GAS7: variants seen among roughly 807,000 people sequenced by gnomAD.
GAS7 encodes growth arrest specific 7.
Under a neutral mutation model 71.1 loss-of-function variants are expected in GAS7, and 28 were observed. The observed-to-expected ratio is 0.39, with a 90% CI of 0.29 to 0.54. The LOEUF (loss-of-function observed/expected upper bound fraction) is 0.54. Among genes scored for constraint, GAS7 ranks in the 20% least tolerant of loss-of-function variants. GAS7 has a pLI of 0.62. For synonymous variants in GAS7, 258 were observed against 245.8 expected (o/e 1.05, Z -0.46); for missense variants, 436 against 627.8 (o/e 0.69, Z 3.27).
At chr17:9,947,111 G>A (rs532083364) in intron 5 of GAS7, 128 bp from the exon 6 acceptor site, 16 of 595,616 alleles carry the variant, frequency 2.7e-5, no homozygotes, top group African/African-American at 1.5e-4. Flanking sequence ...GGATCTTCCC[G>A]TGCTCCAGGG....
Position 9,926,914 on chromosome 17 carries a change from C to T in GAS7, c.886-145G>A. 1.3e-6 allele frequency: 1 copy of T among 763,544 alleles called. No homozygotes were observed. Among genetic ancestry groups the T allele is most frequent in the Non-Finnish European group, 2.2e-6 (1 of 452,050 alleles). The allele number at this position is 763,544 out of a possible 1,614,324, so 47.3% of individuals were successfully genotyped here. A position where few individuals can be genotyped will look rare whatever the true frequency, so the allele number is the denominator to read the frequency against. On this transcript the variant is annotated intron_variant, in intron 9 of 13. Coordinates refer to ENST00000432992, the MANE Select transcript of GAS7 (RefSeq NM_201433.2). This position sits in a 1 kb window ranked among gnomAD's most constrained non-coding sequence, Gnocchi z 5.0. ...AGCGACCTGGCAGGAAGGTGAGAGA[C>T]ACCCCCTGACACGTGGCTGCCTATC...
chr17:10,030,331 A>C lies in GAS7; in HGVS notation c.184-10434T>G, dbSNP rs548275866. 4.1e-4 allele frequency among the ~76,000 whole-genome samples: 62 copies of C among 152,360 alleles called. 1 individual carries two copies. The highest frequency in any genetic ancestry group is 7.9e-4 in the Non-Finnish European group (54 of 68,038). ...ATCAGTAGGAACCCAGGGCTTTCCA[A>C]AGACCTCATCTGAAACACCTGTTTG... On this transcript the variant is annotated intron_variant, in intron 1 of 13. Transcript: ENST00000432992.
At chr17:9,990,622 A>G (rs2070805410) in intron 2 of GAS7, among the ~76,000 whole-genome samples, 1 of 152,160 alleles carries the variant, frequency 6.6e-6, no homozygotes, top group Non-Finnish European at 1.5e-5. Flanking sequence ...AATGAAGGGA[A>G]CATAAAATAA....
intron 2 of GAS7, among the ~76,000 whole-genome samples, chr17:10,006,423 G>A (rs1196947329): frequency 7.2e-6 from 1 of 139,736 alleles, no homozygotes; most frequent in Admixed American, 8.1e-5. Context: ...TCCACCTCCT[G>A]GGTCCATGCC....
chr17:9,991,732 G>A (rs914714707), intron 2 of GAS7, among the ~76,000 whole-genome samples: 4 of 152,034 alleles, frequency 2.6e-5, no homozygotes, highest in South Asian at 2.1e-4. Flanking sequence ...TTTAAAAGAC[G>A]ATCACTGACC....
intron 1 of GAS7, among the ~76,000 whole-genome samples, chr17:10,096,649 A>C (rs2073644203): frequency 6.6e-6 from 1 of 151,770 alleles, no homozygotes; most frequent in African/African-American, 2.4e-5. Flanking sequence ...CAGAACCAGC[A>C]CCTGGTTCTG....
chr17:9,939,439 C>T (rs549114109), intron 8 of GAS7, among the ~76,000 whole-genome samples: 1 of 152,244 alleles, frequency 6.6e-6, no homozygotes, highest in African/African-American at 2.4e-5. Flanking sequence ...CGGCCAGGTA[C>T]AATACCCTCT....
chr17:9,922,259 T>C (rs1804049945), intron 11 of GAS7, among the ~76,000 whole-genome samples: 1 of 152,056 alleles, frequency 6.6e-6, no homozygotes, highest in Non-Finnish European at 1.5e-5. Flanking sequence ...TTCCTTCTAG[T>C]AGCCTTGGAA....
At chr17:9,982,781 AAAAG>A (rs149875125) in intron 2 of GAS7, among the ~76,000 whole-genome samples, 16 of 128,022 alleles carry the variant, frequency 1.2e-4, no homozygotes, top group Admixed American at 3.7e-4. Flanking sequence ...GCCTCAAAAA[AAAAG>A]AAAGAAAGAA....
At chr17:9,937,970 C>A (rs889975489) in intron 8 of GAS7, among the ~76,000 whole-genome samples, 1 of 152,228 alleles carries the variant, frequency 6.6e-6, no homozygotes, top group East Asian at 1.9e-4. Context: ...TCGATCCAGG[C>A]GCATTTAGGA....
At chr17:10,138,759 T>C (rs753570805) in intron 1 of GAS7, among the ~76,000 whole-genome samples, 20 of 151,620 alleles carry the variant, frequency 1.3e-4, no homozygotes, top group Non-Finnish European at 2.5e-4. Flanking sequence ...ACAGAGAGAC[T>C]CCGTCTCAAA....
chr17:9,969,625 C>T lies in GAS7; in HGVS notation c.471+52G>A. ...ATGATGGACTTTGTAATGCAGTTTC[C>T]TAGGCCTGCAGAAGCAGTGACCGCT... is the stretch of plus-strand genomic sequence containing the variant. On this transcript the variant is annotated intron_variant, in intron 4 of 13. Transcript: ENST00000432992. The surrounding 1 kb of genome is among the most constrained non-coding windows in gnomAD (Gnocchi z 5.5). 3 of 1,101,760 alleles carry T rather than the reference C, an allele frequency of 2.7e-6. No individual in the cohort carries two copies. The South Asian group carries it at 3.8e-5, about 14-fold the overall frequency. The allele number at this position is 1,101,760 out of a possible 1,614,324, so 68.2% of individuals were successfully genotyped here. A position where few individuals can be genotyped will look rare whatever the true frequency, so the allele number is the denominator to read the frequency against.
At chr17:9,960,515 G>A (rs1228144403) in intron 4 of GAS7, among the ~76,000 whole-genome samples, 7 of 152,216 alleles carry the variant, frequency 4.6e-5, no homozygotes, top group African/African-American at 1.7e-4. Context: ...TTGGTAGAAT[G>A]TAAGGAAGTG....
At chr17:9,966,833 G>C (rs1469270869) in intron 4 of GAS7, among the ~76,000 whole-genome samples, 1 of 152,156 alleles carries the variant, frequency 6.6e-6, no homozygotes, top group Non-Finnish European at 1.5e-5. Context: ...TCCATGAACA[G>C]CCAGTGCATT....
intron 3 of GAS7, among the ~76,000 whole-genome samples, chr17:9,976,294 G>C (rs1485130690): frequency 6.6e-6 from 1 of 152,240 alleles, no homozygotes; most frequent in East Asian, 1.9e-4. Context: ...AAGAACACTG[G>C]TTCTAGGGGA....
chr17:10,096,166 T>C (rs2073639250), intron 1 of GAS7, among the ~76,000 whole-genome samples: 1 of 152,200 alleles, frequency 6.6e-6, no homozygotes, highest in Non-Finnish European at 1.5e-5. Flanking sequence ...ACACCTCAAA[T>C]TCAGGATATG....
chr17:10,093,313 C>T (rs1399387911), intron 1 of GAS7, among the ~76,000 whole-genome samples: 3 of 152,148 alleles, frequency 2.0e-5, no homozygotes, highest in Admixed American at 6.5e-5. Context: ...CATGGTGGCT[C>T]ACGCCTGTAA....
intron 1 of GAS7, among the ~76,000 whole-genome samples, chr17:10,195,108 C>T (rs1379289693): frequency 1.3e-5 from 2 of 152,176 alleles, no homozygotes; most frequent in Non-Finnish European, 2.9e-5. Flanking sequence ...CTACACTTCC[C>T]TGCCTGTGCT....
intron 1 of GAS7, among the ~76,000 whole-genome samples, chr17:10,081,633 C>A (rs2073458499): frequency 6.6e-6 from 1 of 152,104 alleles, no homozygotes; most frequent in Non-Finnish European, 1.5e-5. Flanking sequence ...AGGAAACCCA[C>A]AAGAGAGGAA....
Sources: allele counts gnomAD v4.1 joint callset (sites outside exome capture counted in the v4.1 genomes callset), GRCh38; gene constraint gnomAD v4.1.1; non-coding constraint Gnocchi (gnomAD v3.1); transcripts MANE v1.5; gene names NCBI Gene and HGNC (gene_info 2026-07-23, HGNC 2026-07-21).